The following MTSS2 variants were observed in gnomAD, a reference collection of about 807,000 sequenced individuals.
MTSS2 encodes the protein protein MTSS 2.
MTSS2 carries 27 observed loss-of-function variants against 67.1 expected under a neutral mutation model. The observed-to-expected ratio is 0.40, with a 90% CI of 0.30 to 0.55. The LOEUF (loss-of-function observed/expected upper bound fraction) is 0.55, where lower values mean the gene tolerates loss of function less well. Among genes scored for constraint, MTSS2 ranks in the 20% least tolerant of loss-of-function variants. The pLI, the probability that MTSS2 is intolerant of heterozygous loss-of-function variation, is 0.43. For missense variants in MTSS2, 1,171 were observed against 1,067.8 expected, an observed-to-expected ratio of 1.10 and a Z score of -1.35; for synonymous variants, 624 against 468.6, an observed-to-expected ratio of 1.33 and a Z score of -4.28.
At chr16:70,670,413 C>A (rs920373313) in intron 11 of MTSS2, among the ~76,000 whole-genome samples, 1 of 152,216 alleles carries the variant, frequency 6.6e-6, no homozygotes, top group Non-Finnish European at 1.5e-5. Context: ...TGCAATTCTG[C>A]TCCTAGGAAT....
chr16:70,680,662 T>A, intron 3 of MTSS2, 132 bp downstream of exon 3: 3 of 762,416 alleles, frequency 3.9e-6, no homozygotes, highest in South Asian at 3.5e-5. Flanking sequence ...ACCAGCCCAC[T>A]CCACTAAGGA....
In MTSS2 at chr16:70,664,145, A is replaced by C; in HGVS notation, c.1776T>G (p.Pro592=). 2 of 1,609,358 alleles carry C rather than the reference A, an allele frequency of 1.2e-6. No homozygotes were observed. The highest frequency in any genetic ancestry group is 1.7e-6 in the Non-Finnish European group (2 of 1,179,616). ...GPIPIRPPIV[P]VKTPTVPDSP... The stretch of plus-strand genomic sequence containing the variant: ...AGTCAGGCACCGTGGGCGTCTTCAC[A>C]GGGACGATGGGCGGCCGGATGGGGA... Residue 592 remains proline (P), a synonymous_variant, in exon 15 of 15, where the codon CCT becomes CCG. Coordinates refer to ENST00000338779, the MANE Select transcript of MTSS2 (RefSeq NM_138383.3).
Position 70,663,504 on chromosome 16 carries a change from C to T in MTSS2, c.*173G>A, listed in dbSNP as rs2052569417. On this transcript the variant is annotated 3_prime_UTR_variant, in exon 15 of 15. Transcript: ENST00000338779. ...GTCCTGGCCAGGCTTGCTAAGAAGT[C>T]ACTTCCTGTTTAAATGCTGGAATCC... 1.6e-6 allele frequency: 2 copies of T among 1,274,998 alleles called. No homozygotes were observed. The highest frequency in any genetic ancestry group is 2.1e-6 in the Non-Finnish European group (2 of 961,282). The allele number at this position is 1,274,998 out of a possible 1,614,324, so 79.0% of individuals were successfully genotyped here.
rs759192920 is a variant in MTSS2, at chr16:70,661,338, A to G, written c.*2339T>C. ...GAGAGGAGAATTTTTCCAAAATCTGACGGAAAGAAAAGAAACAAATGGTTC... is the reference window on the plus strand; with the variant it reads ...GAGAGGAGAATTTTTCCAAAATCTGGCGGAAAGAAAAGAAACAAATGGTTC... On this transcript the variant is annotated 3_prime_UTR_variant, in exon 15 of 15. Transcript: ENST00000338779. 7 of 437,590 alleles carry G rather than the reference A, an allele frequency of 1.6e-5. No individual in the cohort carries two copies. Among genetic ancestry groups the G allele is most frequent in the South Asian group, 6.3e-5 (4 of 63,364 alleles). The allele number at this position is 437,590 out of a possible 1,614,324, so 27.1% of individuals were successfully genotyped here.
chr16:70,684,414 C>G (rs954137790), intron 1 of MTSS2, among the ~76,000 whole-genome samples: 2 of 151,990 alleles, frequency 1.3e-5, no homozygotes, highest in African/African-American at 2.4e-5. Context: ...CTGGGTAGTC[C>G]CAGGCCAGGC....
chr16:70,677,095 G>C (rs2053142122), intron 9 of MTSS2, 117 bp from the exon 10 acceptor site: 1 of 757,846 alleles, frequency 1.3e-6, no homozygotes, highest in Admixed American at 3.0e-5. Context: ...CCAGAAATCT[G>C]AAGCCCCCTC....
In MTSS2 at chr16:70,664,257, G is replaced by C; in HGVS notation, c.1664C>G (p.Ser555Trp). The C allele has an allele frequency of 6.4e-7, 1 of 1,561,390 alleles. No individual in the cohort carries two copies. Among genetic ancestry groups the C allele is most frequent in the Non-Finnish European group, 8.6e-7 (1 of 1,160,306 alleles). Residue 555 changes from serine (S) to tryptophan (W), a missense_variant, in exon 15 of 15, where the codon TCG becomes TGG. Around this residue, in one of 2 missense-constraint regions of MTSS2, gnomAD observed 924 missense variants for 756.0 expected, o/e 1.22. Coordinates refer to ENST00000338779, the MANE Select transcript of MTSS2 (RefSeq NM_138383.3). Reference protein sequence around the residue: ...AGLPTATGLPSGAPPGVATIR... With the variant: ...AGLPTATGLPWGAPPGVATIR... ...GGTGGCCACGCCGGGGGGTGCGCCC[G>C]AGGGCAGGCCAGTGGCCGTGGGCAG...
intron 9 of MTSS2, 51 bp from the exon 10 acceptor site, chr16:70,677,029 T>G: frequency 1.4e-6 from 2 of 1,449,350 alleles, no homozygotes; most frequent in Non-Finnish European, 1.9e-6. Context: ...TCAGAGCTAG[T>G]AGGGCCAGAG....
chr16:70,679,899 G>T, intron 4 of MTSS2, 22 bp from the exon 5 acceptor site: 4 of 1,574,374 alleles, frequency 2.5e-6, no homozygotes, highest in South Asian at 1.1e-5. Context: ...GGGCGGGAGC[G>T]CAGGTCAGGG....
At chr16:70,683,530 T>TGGA (rs1350363704) in intron 1 of MTSS2, among the ~76,000 whole-genome samples, 3 of 152,172 alleles carry the variant, frequency 2.0e-5, no homozygotes, top group Non-Finnish European at 2.9e-5. Flanking sequence ...CAGCACTGGG[T>TGGA]GGAGGCCCCA....
chr16:70,678,792 G>C (rs990225325), intron 7 of MTSS2, among the ~76,000 whole-genome samples: 8 of 152,196 alleles, frequency 5.3e-5, no homozygotes, highest in African/African-American at 1.9e-4. Context: ...GGCAGAAGCG[G>C]GACAAGAGAG....
At position 70,673,162 on chromosome 16, in the gene MTSS2, T is replaced by TCAAAA. The variant is rs771651539; in HGVS notation, c.1053+1139_1053+1143dup. On this transcript the variant is annotated intron_variant, in intron 11 of 14. Transcript: ENST00000338779. The stretch of plus-strand genomic sequence containing the variant: ...CTAGGTGACAGAGTAAGATCGTGTC[T>TCAAAA]CAAAACAAAACAAAACAAAACAAAA... 5.9e-4 allele frequency among the ~76,000 whole-genome samples: 89 copies of TCAAAA among 151,928 alleles called. 1 individual carries two copies. The highest frequency in any genetic ancestry group is 1.9e-3 in the South Asian group (9 of 4,806).
Position 70,663,887 on chromosome 16 carries a change from C to G in MTSS2, c.2034G>C (p.Leu678=). 1 of 1,547,098 alleles carries G rather than the reference C, an allele frequency of 6.5e-7. No homozygotes were observed. Among genetic ancestry groups the G allele is most frequent in the Non-Finnish European group, 8.7e-7 (1 of 1,148,096 alleles). ...CGTGGGCACCCGCCACCAGCTCCCC[C>G]AGCTTCTCCACCAGGCTGTGCCGGT... The part of the protein sequence containing the change: ...AANRHSLVEK[L]GELVAGAHAL... Residue 678 remains leucine, a synonymous_variant, in exon 15 of 15, where the codon CTG becomes CTC. Transcript: ENST00000338779.
intron 10 of MTSS2, among the ~76,000 whole-genome samples, chr16:70,676,130 T>G (rs1352572969): frequency 6.6e-6 from 1 of 152,246 alleles, no homozygotes; most frequent in Non-Finnish European, 1.5e-5. Flanking sequence ...GAGGGGTGCC[T>G]GGCAAAGGGG....
intron 6 of MTSS2, 90 bp from the exon 7 acceptor site, chr16:70,679,413 G>T (rs891693243): frequency 2.0e-6 from 3 of 1,506,000 alleles, no homozygotes; most frequent in Middle Eastern, 1.7e-4. Context: ...CTCCTGGGGC[G>T]GGGGTGCCTG....
chr16:70,670,969 CAAAAAAAAAAA>C (rs1166088540), intron 11 of MTSS2, among the ~76,000 whole-genome samples: 2 of 32,950 alleles, frequency 6.1e-5, no homozygotes, highest in Admixed American at 3.4e-4. Context: ...GACCCTGTCT[CAAAAAAAAAAA>C]AAAAAAAAAA....
rs549493942 is a variant in MTSS2 at position 70,664,485 on chromosome 16, G to A, written c.1472-36C>T. On this transcript the variant is annotated intron_variant, in intron 14 of 14. Coordinates refer to ENST00000338779, the MANE Select transcript of MTSS2 (RefSeq NM_138383.3). ...GGGACACAGTGAGGCCCAGGGCCCA[G>A]GTGGCCCCTTGCCCCCAGCCCACCA... 5.2e-6 allele frequency: 8 copies of A among 1,543,222 alleles called. No individual in the cohort carries two copies. In the East Asian group the frequency reaches 6.8e-5, roughly 13 times the overall value.
chr16:70,678,036 G>T (rs1299029143), intron 8 of MTSS2, 137 bp from the exon 9 acceptor site: 3 of 953,952 alleles, frequency 3.1e-6, no homozygotes, highest in Non-Finnish European at 4.7e-6. Context: ...CTCGGGGCTG[G>T]TGCAGGTGGG....
At chr16:70,679,269 C>T (rs1277543136) in intron 7 of MTSS2, 46 bp downstream of exon 7, 27 of 1,610,806 alleles carry the variant, frequency 1.7e-5, no homozygotes, top group Non-Finnish European at 1.9e-5. Flanking sequence ...CAGACAAATG[C>T]GACAAGGACG....
Sources: gnomAD v4.1 joint callset for allele counts (sites outside exome capture counted in the v4.1 genomes callset) on GRCh38, gnomAD v4.1.1 for gene constraint, gnomAD v4.1.1 regional missense constraint, MANE v1.5 for transcripts, NCBI Gene and HGNC (gene_info 2026-07-23, HGNC 2026-07-21) for gene names.